Variants in FMNL2 observed in about 807,000 individuals in gnomAD.
FMNL2 encodes formin-like protein 2.
A neutral mutation model predicts 130.2 loss-of-function variants in FMNL2; 51 were observed. That is an observed-to-expected ratio of 0.39 (90% confidence interval 0.31 to 0.49). FMNL2 has a LOEUF of 0.49. Ranked by LOEUF, FMNL2 falls within the 20% of genes least tolerant of loss-of-function variation. The pLI is 0.85. For synonymous variants in FMNL2, 465 were observed against 467.1 expected (o/e 1.00, Z 0.06); for missense variants, 977 against 1,316.2 (o/e 0.74, Z 3.99).
chr2:152,442,450 T>C (rs1365442452), intron 1 of FMNL2, among the ~76,000 whole-genome samples: 2 of 152,038 alleles, frequency 1.3e-5, no homozygotes, highest in Non-Finnish European at 2.9e-5. Context: ...TGTTTCACCA[T>C]GTTGTCCAGG....
At chr2:152,615,392 G>A (rs1470668199) in intron 12 of FMNL2, among the ~76,000 whole-genome samples, 1 of 152,148 alleles carries the variant, frequency 6.6e-6, no homozygotes, top group Admixed American at 6.5e-5. Flanking sequence ...ACAAACCCAT[G>A]GACAGGATTA....
chr2:152,623,366 G>A (rs1251016262), intron 15 of FMNL2, among the ~76,000 whole-genome samples: 1 of 152,216 alleles, frequency 6.6e-6, no homozygotes, highest in East Asian at 1.9e-4. Context: ...TTCCTGGGTA[G>A]CGTAGACAAA....
At chr2:152,628,575 T>C (rs372586571) in intron 18 of FMNL2, 42 bp downstream of exon 18, 152 of 1,530,818 alleles carry the variant, frequency 9.9e-5, no homozygotes, top group Non-Finnish European at 1.3e-4. Context: ...TCCAAAGAAA[T>C]GTGGAATCGT....
chr2:152,395,877 G>C (rs1461327690), intron 1 of FMNL2, among the ~76,000 whole-genome samples: 45 of 116,912 alleles, frequency 3.8e-4, no homozygotes, highest in East Asian at 3.1e-4. Flanking sequence ...GGTGGGAGTC[G>C]TAGAGTGGTG....
chr2:152,336,915 A>G (rs978659517), intron 1 of FMNL2, among the ~76,000 whole-genome samples: 5 of 152,146 alleles, frequency 3.3e-5, no homozygotes, highest in African/African-American at 1.2e-4. Context: ...AAAACTTAGA[A>G]CTTTGGCAGA....
At chr2:152,484,842 C>T (rs932118286) in intron 1 of FMNL2, among the ~76,000 whole-genome samples, 25 of 152,122 alleles carry the variant, frequency 1.6e-4, no homozygotes, top group Admixed American at 4.6e-4. Flanking sequence ...ATGAACTTTG[C>T]GAAAGAATAA....
intron 10 of FMNL2, among the ~76,000 whole-genome samples, chr2:152,610,136 T>C (rs1294429222): frequency 2.6e-5 from 4 of 152,218 alleles, no homozygotes; most frequent in African/African-American, 7.2e-5. Context: ...ATCCTGTTGA[T>C]AGGGAAGAGT....
Position 152,558,761 on chromosome 2 carries a change from T to C in FMNL2, c.381T>C (p.Asn127=). The C allele has an allele frequency of 6.2e-7, 1 of 1,612,482 alleles. No individual in the cohort carries two copies. Among genetic ancestry groups the C allele is most frequent in the Non-Finnish European group, 8.5e-7 (1 of 1,179,492 alleles). Reference sequence around the variant, plus strand: ...ACAGATGGGTCAGAGAATTTCTGAATGAAGAAAACAAAGGTCTTGATGTTC... The same window carrying C: ...ACAGATGGGTCAGAGAATTTCTGAACGAAGAAAACAAAGGTCTTGATGTTC... ...NHIGWVREFL[N]EENKGLDVLV... is the part of the protein sequence containing the mutation. Residue 127 remains asparagine (N), a synonymous_variant, in exon 5 of 26, where the codon AAT becomes AAC. Coordinates refer to ENST00000288670, the MANE Select transcript of FMNL2 (RefSeq NM_052905.4).
At chr2:152,429,215 C>CA (rs3047928) in intron 1 of FMNL2, among the ~76,000 whole-genome samples, 4,905 of 95,670 alleles carry the variant, frequency 0.051, 185 homozygotes, top group African/African-American at 0.12. Context: ...CTTAGAGGAA[C>CA]AAAAAAAAAA....
intron 1 of FMNL2, among the ~76,000 whole-genome samples, chr2:152,497,885 A>G (rs1302681358): frequency 1.3e-5 from 2 of 152,152 alleles, no homozygotes; most frequent in Non-Finnish European, 2.9e-5. Context: ...GTCCTTTTCC[A>G]AGCTAACTGG....
At chr2:152,628,184 T>C (rs1681924342) in intron 17 of FMNL2, 115 bp from the exon 18 acceptor site, 1 of 856,772 alleles carries the variant, frequency 1.2e-6, no homozygotes, top group Non-Finnish European at 1.9e-6. Context: ...GATTTGGTGT[T>C]TGATGAGCTG....
Position 152,433,792 on chromosome 2 carries a change from A to C in FMNL2, c.118-88151A>C, listed in dbSNP as rs112052065. ...ACATTTCCTTTTCTTCTTATTACTG[A>C]TTTCTTCTAGTTCTTCCCCCATAAT... On this transcript the variant is annotated intron_variant, in intron 1 of 25. Coordinates refer to ENST00000288670, the MANE Select transcript of FMNL2 (RefSeq NM_052905.4). Among the ~76,000 whole-genome samples the C allele has an allele frequency of 3.3e-3, 497 of 152,200 alleles. 3 individuals are homozygous for C. The highest frequency in any genetic ancestry group is 0.012 in the African/African-American group (482 of 41,506).
At chr2:152,351,499 G>C (rs993743854) in intron 1 of FMNL2, among the ~76,000 whole-genome samples, 3 of 152,090 alleles carry the variant, frequency 2.0e-5, no homozygotes, top group African/African-American at 7.2e-5. Context: ...ATGGTTTTCA[G>C]CTTCATCCAT....
In FMNL2 at chr2:152,534,310, C is replaced by T. The variant is rs114853332; in HGVS notation, c.202-8429C>T. Among the ~76,000 whole-genome samples the T allele has an allele frequency of 1.6e-3, 251 of 152,214 alleles. 2 individuals are homozygous for T. Among genetic ancestry groups the T allele is most frequent in the African/African-American group, 5.8e-3 (239 of 41,532 alleles). On this transcript the variant is annotated intron_variant, in intron 2 of 25. Transcript: ENST00000288670. ...TTTAAAGTTTCACTGACAATAAAAC[C>T]GCCTCAGTGAATATTCCAGTTCAGT...
At chr2:152,618,141 C>G (rs547710591) in intron 13 of FMNL2, among the ~76,000 whole-genome samples, 25 of 152,256 alleles carry the variant, frequency 1.6e-4, no homozygotes, top group African/African-American at 5.8e-4. Flanking sequence ...TCTATGGGCC[C>G]CCCCCTTATA....
chr2:152,417,898 A>G (rs1448980417), intron 1 of FMNL2, among the ~76,000 whole-genome samples: 2 of 151,980 alleles, frequency 1.3e-5, no homozygotes, highest in Non-Finnish European at 2.9e-5. Context: ...CAGTGTCATG[A>G]TCTCGGCTCA....
chr2:152,445,593 C>T (rs898903350), intron 1 of FMNL2, among the ~76,000 whole-genome samples: 4 of 152,150 alleles, frequency 2.6e-5, no homozygotes, highest in South Asian at 2.1e-4. Context: ...CCAGTGGTTT[C>T]GAAATTTTAT....
intron 1 of FMNL2, among the ~76,000 whole-genome samples, chr2:152,456,040 GC>G (rs1255403836): frequency 1.3e-5 from 2 of 152,188 alleles, no homozygotes; most frequent in Non-Finnish European, 2.9e-5. Flanking sequence ...ATTGGATGAT[GC>G]CCACAAAGTT....
intron 1 of FMNL2, among the ~76,000 whole-genome samples, chr2:152,336,635 A>G (rs901798610): frequency 6.6e-6 from 1 of 152,006 alleles, no homozygotes; most frequent in Non-Finnish European, 1.5e-5. Flanking sequence ...TGAGCTGCAG[A>G]GGGTGTGGCG....
Sources: gnomAD v4.1 joint callset for allele counts (sites outside exome capture counted in the v4.1 genomes callset) on GRCh38, gnomAD v4.1.1 for gene constraint, MANE v1.5 for transcripts, NCBI Gene and HGNC (gene_info 2026-07-23, HGNC 2026-07-21) for gene names.